Variants in SLC44A5 observed in about 807,000 individuals in gnomAD.
SLC44A5 encodes choline transporter-like protein 5.
In SLC44A5, 57 loss-of-function variants were observed where a neutral mutation model predicts 101.8. The ratio of observed to expected loss-of-function variants is 0.56; its 90% CI spans 0.45 to 0.70. The LOEUF is 0.70. Ranked by LOEUF, SLC44A5 falls within the 30% of genes least tolerant of loss-of-function variation. The probability of loss-of-function intolerance (pLI) is 0.00; values close to 1 mark genes in which losing one functional copy is unlikely to be tolerated. For missense variants in SLC44A5, 737 were observed against 853.1 expected, an observed-to-expected ratio of 0.86 and a Z score of 1.70; for synonymous variants, 281 against 290.9, an observed-to-expected ratio of 0.97 and a Z score of 0.35.
At chr1:75,598,802 A>G (rs954023240) in intron 1 of SLC44A5, among the ~76,000 whole-genome samples, 1 of 152,162 alleles carries the variant, frequency 6.6e-6, no homozygotes, top group Non-Finnish European at 1.5e-5. Context: ...GAGGGAGAGG[A>G]TCAGGAAAAG....
rs373623060 is a variant in SLC44A5, at chr1:75,203,853, A to G, written c.2048-20T>C. On this transcript the variant is annotated intron_variant, in intron 23 of 23. Coordinates refer to ENST00000370859, the MANE Select transcript of SLC44A5 (RefSeq NM_001130058.2). ...CTTCCACTAGGAGGAAGAATGGTAC[A>G]GAGTAAATATCAAAGCAGAACTGTA... 3.6e-5 allele frequency: 56 copies of G among 1,538,744 alleles called. No homozygotes were observed. The highest frequency in any genetic ancestry group is 3.1e-5 in the Non-Finnish European group (35 of 1,141,164).
intron 2 of SLC44A5, among the ~76,000 whole-genome samples, chr1:75,525,646 T>C (rs1670367484): frequency 6.6e-6 from 1 of 152,172 alleles, no homozygotes; most frequent in South Asian, 2.1e-4. Flanking sequence ...GAGAGATAAA[T>C]GTCATCTTTA....
intron 2 of SLC44A5, among the ~76,000 whole-genome samples, chr1:75,470,502 G>A (rs1667047259): frequency 6.6e-6 from 1 of 152,096 alleles, no homozygotes; most frequent in Non-Finnish European, 1.5e-5. Flanking sequence ...AAGTAAATAG[G>A]CATCTAAATT....
intron 1 of SLC44A5, among the ~76,000 whole-genome samples, chr1:75,597,175 C>A: frequency 7.7e-6 from 1 of 130,642 alleles, no homozygotes; most frequent in East Asian, 2.1e-4. Context: ...GCAATAGAGC[C>A]AGACTTTGTC....
intron 1 of SLC44A5, among the ~76,000 whole-genome samples, chr1:75,602,154 G>T (rs2102151867): frequency 6.6e-6 from 1 of 152,192 alleles, no homozygotes; most frequent in Middle Eastern, 3.4e-3. Context: ...AGGTTAAATA[G>T]GTTAAATGCC....
the SLC44A5 span, among the ~76,000 whole-genome samples, chr1:75,625,453 T>C: frequency 1.3e-5 from 2 of 152,172 alleles, no homozygotes; most frequent in African/African-American, 4.8e-5. Context: ...ATTCAAGGCG[T>C]AATTAGCCAC....
intron 1 of SLC44A5, among the ~76,000 whole-genome samples, chr1:75,589,510 A>C (rs913157893): frequency 6.6e-6 from 1 of 152,206 alleles, no homozygotes; most frequent in Non-Finnish European, 1.5e-5. Context: ...AGATGGTATA[A>C]TGGAAAGCTC....
intron 6 of SLC44A5, among the ~76,000 whole-genome samples, chr1:75,266,778 A>C (rs988033667): frequency 2.0e-5 from 3 of 152,238 alleles, no homozygotes; most frequent in Admixed American, 2.0e-4. Flanking sequence ...AAGATATGAC[A>C]GTGAAAAAGA....
At chr1:75,314,987 T>G (rs947110398) in intron 4 of SLC44A5, among the ~76,000 whole-genome samples, 1 of 152,130 alleles carries the variant, frequency 6.6e-6, no homozygotes, top group Non-Finnish European at 1.5e-5. Flanking sequence ...AGATTTGCCT[T>G]GAGAATCACA....
chr1:75,590,051 G>A (rs1674258685), intron 1 of SLC44A5, among the ~76,000 whole-genome samples: 1 of 151,998 alleles, frequency 6.6e-6, no homozygotes, highest in Non-Finnish European at 1.5e-5. Flanking sequence ...CAGAGACAGT[G>A]GATTAGGGGG....
chr1:75,469,924 A>AG (rs34102300), intron 2 of SLC44A5, among the ~76,000 whole-genome samples: 2 of 146,542 alleles, frequency 1.4e-5, no homozygotes, highest in African/African-American at 2.6e-5. Context: ...AAAAAAAAAA[A>AG]GTAGAGTCAA....
At chr1:75,718,165 G>C in the SLC44A5 span, among the ~76,000 whole-genome samples, 2 of 152,212 alleles carry the variant, frequency 1.3e-5, no homozygotes, top group Non-Finnish European at 2.9e-5. Context: ...TATCTGACCA[G>C]AGCATGTTTC....
chr1:75,231,580 C>A (rs958868438), intron 12 of SLC44A5, among the ~76,000 whole-genome samples: 2 of 152,060 alleles, frequency 1.3e-5, no homozygotes, highest in Non-Finnish European at 2.9e-5. Flanking sequence ...TCCTGAATAA[C>A]AATAATATCA....
the SLC44A5 span, among the ~76,000 whole-genome samples, chr1:75,660,022 G>T: frequency 6.6e-6 from 1 of 152,024 alleles, no homozygotes; most frequent in Non-Finnish European, 1.5e-5. Context: ...TGGGAAACAC[G>T]GTGAAGCCCT....
chr1:75,658,488 A>G, the SLC44A5 span, among the ~76,000 whole-genome samples: 1 of 152,228 alleles, frequency 6.6e-6, no homozygotes, highest in East Asian at 1.9e-4. Context: ...TGGAAACTTC[A>G]TAAATACATG....
intron 1 of SLC44A5, among the ~76,000 whole-genome samples, chr1:75,602,630 T>C (rs1363751778): frequency 6.6e-6 from 1 of 152,098 alleles, no homozygotes; most frequent in Non-Finnish European, 1.5e-5. Flanking sequence ...GCAGAATCAA[T>C]GTCATTGCCA....
the SLC44A5 span, among the ~76,000 whole-genome samples, chr1:75,717,043 AT>A: frequency 4.6e-5 from 7 of 152,112 alleles, no homozygotes; most frequent in African/African-American, 1.7e-4. Context: ...CCAAAAAAAA[AT>A]AAAATAAAAA....
chr1:75,569,595 G>A (rs905999934), intron 1 of SLC44A5, among the ~76,000 whole-genome samples: 1 of 152,102 alleles, frequency 6.6e-6, no homozygotes, highest in African/African-American at 2.4e-5. Flanking sequence ...TATCTGTTCA[G>A]TAGAACACAA....
chr1:75,694,502 G>A, the SLC44A5 span, among the ~76,000 whole-genome samples: 4 of 151,912 alleles, frequency 2.6e-5, no homozygotes, highest in Non-Finnish European at 5.9e-5. Flanking sequence ...GTTGTTACAT[G>A]TAAATCCTAT....
Sources: allele counts gnomAD v4.1 joint callset (sites outside exome capture counted in the v4.1 genomes callset), GRCh38; gene constraint gnomAD v4.1.1; transcripts MANE v1.5; gene names NCBI Gene and HGNC (gene_info 2026-07-23, HGNC 2026-07-21).